Variants in SLC35F3 observed in about 807,000 individuals in gnomAD.
SLC35F3 encodes solute carrier family 35 member F3, also known as putative thiamine transporter SLC35F3.
In SLC35F3, 25 loss-of-function variants were observed where a neutral mutation model predicts 49.9. The ratio of observed to expected loss-of-function variants is 0.50; its 90% CI spans 0.37 to 0.70. The LOEUF is 0.70. Ranked by LOEUF, SLC35F3 falls within the 30% of genes least tolerant of loss-of-function variation. SLC35F3 has a pLI of 0.00. For synonymous variants in SLC35F3, 275 were observed against 265.4 expected (o/e 1.04, Z -0.35); for missense variants, 525 against 639.8 (o/e 0.82, Z 1.94).
At position 234,237,942 on chromosome 1, in the gene SLC35F3, G is replaced by A. The variant is rs550326918; in HGVS notation, c.608+6201G>A. ...TAGTCTCATACTCCTGCTCTCAAGC[G>A]ATCTGCCCACCTTGGCCCCCCAAAG... On this transcript the variant is annotated intron_variant, in intron 3 of 7. Coordinates refer to ENST00000366618, the MANE Select transcript of SLC35F3 (RefSeq NM_173508.4). Among the ~76,000 whole-genome samples, 9 of 152,214 alleles carry A rather than the reference G, an allele frequency of 5.9e-5. 1 individual carries two copies. The South Asian group carries it at 1.5e-3, about 25-fold the overall frequency.
At chr1:234,155,268 G>C (rs765558268) in intron 2 of SLC35F3, among the ~76,000 whole-genome samples, 1 of 152,082 alleles carries the variant, frequency 6.6e-6, no homozygotes, top group Non-Finnish European at 1.5e-5. Context: ...TTTTATTTGA[G>C]AGAGAAATAT....
intron 2 of SLC35F3, among the ~76,000 whole-genome samples, chr1:233,985,856 T>C (rs1663258297): frequency 6.6e-6 from 1 of 152,260 alleles, no homozygotes; most frequent in African/African-American, 2.4e-5. Flanking sequence ...AGAAACTTCC[T>C]GCAGAGGTTG....
At chr1:233,929,399 AG>A (rs767250524) in intron 2 of SLC35F3, among the ~76,000 whole-genome samples, 4 of 152,196 alleles carry the variant, frequency 2.6e-5, no homozygotes, top group Non-Finnish European at 4.4e-5. Flanking sequence ...CTACTCTGTA[AG>A]TGAGAGTTAT....
intron 2 of SLC35F3, among the ~76,000 whole-genome samples, chr1:234,146,484 T>TC (rs1485289975): frequency 7.6e-6 from 1 of 131,222 alleles, no homozygotes; most frequent in South Asian, 2.7e-4. Context: ...ATTTGCTCTT[T>TC]TTTTTTTTTT....
chr1:234,161,435 CT>C (rs1666225584), intron 2 of SLC35F3, among the ~76,000 whole-genome samples: 2 of 152,122 alleles, frequency 1.3e-5, no homozygotes, highest in Admixed American at 1.3e-4. Context: ...CAAATTATGC[CT>C]CTTCCTGGGC....
intron 2 of SLC35F3, among the ~76,000 whole-genome samples, chr1:234,091,688 T>C (rs1665045993): frequency 6.6e-6 from 1 of 152,248 alleles, no homozygotes; most frequent in Non-Finnish European, 1.5e-5. Flanking sequence ...CAGAAATATA[T>C]GGAAAGGATG....
chr1:234,189,778 A>G (rs1666705145), intron 2 of SLC35F3, among the ~76,000 whole-genome samples: 1 of 152,200 alleles, frequency 6.6e-6, no homozygotes. Flanking sequence ...CAAGTTATCC[A>G]AAGTCAAGAC....
Position 234,318,851 on chromosome 1 carries a change from C to T in SLC35F3, c.1055C>T (p.Pro352Leu), listed in dbSNP as rs1161026127. The T allele has an allele frequency of 1.2e-6, 2 of 1,614,074 alleles. No homozygotes were observed. The highest frequency in any genetic ancestry group is 1.7e-6 in the Non-Finnish European group (2 of 1,180,040). The stretch of plus-strand genomic sequence containing the variant: ...AACATCCTCTTCATCACCTGCATTC[C>T]TATTATCCTCTACTTTACCAAAGTG... ...VFNILFITCIPIILYFTKVEY... is the reference protein window; with the variant it reads ...VFNILFITCILIILYFTKVEY... The change falls in exon 6 of 8, where the codon CCT (proline) becomes CTT (leucine). Residue 352 changes from proline (P) to leucine (L), a missense_variant. Around this residue, in one of 4 missense-constraint regions of SLC35F3, gnomAD observed 216 missense variants for 298.1 expected, o/e 0.72. Transcript: ENST00000366618.
At position 234,059,203 on chromosome 1, in the gene SLC35F3, C is replaced by T. The variant is rs540781058; in HGVS notation, c.283+153445C>T. 2.0e-5 allele frequency among the ~76,000 whole-genome samples: 3 copies of T among 150,330 alleles called. No individual in the cohort carries two copies. The South Asian group carries it at 6.4e-4, about 32-fold the overall frequency. On this transcript the variant is annotated intron_variant, in intron 2 of 7. Transcript: ENST00000366618. ...GTTCCACTGTAATCTTAATTTCTTC[C>T]TCCTTATTTTTTAGGTTTGGTTCTT...
At chr1:234,038,755 G>A (rs1377219951) in intron 2 of SLC35F3, among the ~76,000 whole-genome samples, 2 of 152,196 alleles carry the variant, frequency 1.3e-5, no homozygotes, top group Non-Finnish European at 2.9e-5. Flanking sequence ...CATTCTGGCT[G>A]CCCTCTGGAG....
intron 2 of SLC35F3, among the ~76,000 whole-genome samples, chr1:234,090,679 T>G (rs1665029861): frequency 6.6e-6 from 1 of 152,146 alleles, no homozygotes; most frequent in South Asian, 2.1e-4. Flanking sequence ...AGGGTGGAGT[T>G]TTTGGCTCTC....
chr1:234,192,371 C>G (rs1666743657), intron 2 of SLC35F3, among the ~76,000 whole-genome samples: 3 of 152,134 alleles, frequency 2.0e-5, no homozygotes, highest in African/African-American at 7.2e-5. Context: ...TCAATAGATG[C>G]AGAAAAAGCA....
At chr1:234,168,646 C>T (rs1490527442) in intron 2 of SLC35F3, among the ~76,000 whole-genome samples, 1 of 152,220 alleles carries the variant, frequency 6.6e-6, no homozygotes, top group Non-Finnish European at 1.5e-5. Flanking sequence ...CTGCTGAGTG[C>T]CTGCCAGGAA....
At chr1:234,298,006 A>G (rs1351966594) in intron 3 of SLC35F3, among the ~76,000 whole-genome samples, 1 of 152,172 alleles carries the variant, frequency 6.6e-6, no homozygotes, top group Non-Finnish European at 1.5e-5. Flanking sequence ...GGCTGAGGCA[A>G]CTTTGGAGGT....
At chr1:233,976,110 AAGAC>A (rs1663075787) in intron 2 of SLC35F3, among the ~76,000 whole-genome samples, 3 of 152,192 alleles carry the variant, frequency 2.0e-5, no homozygotes, top group Admixed American at 2.0e-4. Context: ...GGGAGGGAGA[AAGAC>A]AGAGGAGGAG....
chr1:234,017,256 C>T (rs1282034123), intron 2 of SLC35F3, among the ~76,000 whole-genome samples: 3 of 152,080 alleles, frequency 2.0e-5, no homozygotes, highest in Non-Finnish European at 4.4e-5. Flanking sequence ...TAATAATTCT[C>T]ATTATTCAAG....
intron 3 of SLC35F3, chr1:234,285,355 C>T (rs897836095): frequency 6.2e-6 from 3 of 480,986 alleles, no homozygotes; most frequent in Non-Finnish European, 1.3e-5. Context: ...CAGATGAGGC[C>T]AGGTGTTGCT....
At chr1:234,094,156 G>A (rs1183425380) in intron 2 of SLC35F3, among the ~76,000 whole-genome samples, 2 of 152,166 alleles carry the variant, frequency 1.3e-5, no homozygotes, top group African/African-American at 2.4e-5. Flanking sequence ...GGACTCAGCC[G>A]CTGCCCAGAA....
chr1:234,214,460 G>T lies in SLC35F3; in HGVS notation c.284-16957G>T. 6.6e-7 allele frequency: 1 copy of T among 1,515,366 alleles called. No individual in the cohort carries two copies. Among genetic ancestry groups the T allele is most frequent in the Non-Finnish European group, 8.8e-7 (1 of 1,131,982 alleles). 93.9% of individuals were successfully genotyped at this position (1,515,366 alleles called of 1,614,324 possible). On this transcript the variant is annotated intron_variant, in intron 2 of 7. Transcript: ENST00000366618. The surrounding 1 kb of genome is among the most constrained non-coding windows in gnomAD (Gnocchi z 8.0). ...CGCTCCAGCCGGCCCCAGGATGTAG[G>T]CGATCGGCGGCAGCGCTCCTGCAGG... is the stretch of plus-strand genomic sequence containing the variant.
Sources: gnomAD v4.1 joint callset for allele counts (sites outside exome capture counted in the v4.1 genomes callset) on GRCh38, gnomAD v4.1.1 for gene constraint, gnomAD v4.1.1 regional missense constraint, Gnocchi (gnomAD v3.1) non-coding constraint, MANE v1.5 for transcripts, NCBI Gene and HGNC (gene_info 2026-07-23, HGNC 2026-07-21) for gene names.